The following CELSR1 variants were observed in gnomAD, a reference collection of about 807,000 sequenced individuals.
CELSR1 encodes adhesion G protein-coupled receptor C1.
Under a neutral mutation model 249.1 loss-of-function variants are expected in CELSR1, and 110 were observed. That is an observed-to-expected ratio of 0.44 (90% CI 0.38 to 0.52). The LOEUF (loss-of-function observed/expected upper bound fraction) is 0.52, where lower values mean the gene tolerates loss of function less well. Ranked by LOEUF, CELSR1 falls within the 20% of genes least tolerant of loss-of-function variation. The pLI, the probability that CELSR1 is intolerant of heterozygous loss-of-function variation, is 0.00. For synonymous variants in CELSR1, 2,113 were observed against 1,900.0 expected (o/e 1.11, Z -2.92); for missense variants, 4,109 against 4,296.4 (o/e 0.96, Z 1.22).
intron 25 of CELSR1, among the ~76,000 whole-genome samples, chr22:46,371,128 C>T (rs2078846853): frequency 6.6e-6 from 1 of 152,204 alleles, no homozygotes; most frequent in South Asian, 2.1e-4. Context: ...GCCACCCCGC[C>T]CAACCTGCCC....
intron 1 of CELSR1, among the ~76,000 whole-genome samples, chr22:46,496,067 G>C (rs1203997817): frequency 6.6e-6 from 1 of 151,034 alleles, no homozygotes; most frequent in Non-Finnish European, 1.5e-5. Flanking sequence ...GGTGGTGCAA[G>C]CTTGTAATCC....
intron 5 of CELSR1, among the ~76,000 whole-genome samples, chr22:46,422,431 A>C (rs947095401): frequency 1.3e-5 from 2 of 151,782 alleles, no homozygotes; most frequent in Non-Finnish European, 2.9e-5. Context: ...TTTAAACAGA[A>C]TATTTAAAAG....
intron 4 of CELSR1, among the ~76,000 whole-genome samples, chr22:46,435,219 T>TG (rs2079644103): frequency 7.0e-6 from 1 of 142,780 alleles, no homozygotes; most frequent in African/African-American, 2.6e-5. Context: ...CTCAAAGTGC[T>TG]AGGATTACAG....
chr22:46,388,069 C>T (rs113298949), intron 18 of CELSR1, among the ~76,000 whole-genome samples: 2,440 of 152,292 alleles, frequency 0.016, 50 homozygotes, highest in African/African-American at 0.055. Context: ...GAAACCAGGG[C>T]TGAGCACGGT....
rs1182819573 is a variant in CELSR1, at chr22:46,534,656, G to A, written c.2515C>T (p.Pro839Ser). Residue 839 changes from proline (P) to serine (S), a missense_variant, in exon 1 of 35, where the codon CCC (proline) becomes TCC (serine). Transcript: ENST00000674500. This position sits in a 1 kb window ranked among gnomAD's most constrained non-coding sequence, Gnocchi z 9.7. Reference sequence around the variant, plus strand: ...ATGGTGTACATGGTGCCACTGTCGGGGTCAATGCGGAACTGCGGCACGGGG... The same window carrying A: ...ATGGTGTACATGGTGCCACTGTCGGAGTCAATGCGGAACTGCGGCACGGGG... ...QDPVPQFRID[P>S]DSGTMYTMME... 2 of 1,613,734 alleles carry A rather than the reference G, an allele frequency of 1.2e-6. No individual in the cohort carries two copies. The highest frequency in any genetic ancestry group is 2.2e-5 in the South Asian group (2 of 91,084).
rs772780951 is a variant in CELSR1 at position 46,533,958 on chromosome 22, C to T, written c.3213G>A (p.Val1071=). The T allele has an allele frequency of 2.5e-6, 4 of 1,613,424 alleles. No homozygotes were observed. The highest frequency in any genetic ancestry group is 2.5e-6 in the Non-Finnish European group (3 of 1,180,032). Reference sequence around the variant, plus strand: ...GAGCCGACGTGGCCTGCACCACCAGCACATACTCCCGCCGGACCTCAAAGT... The same window carrying T: ...GAGCCGACGTGGCCTGCACCACCAGTACATACTCCCGCCGGACCTCAAAGT... The part of the protein sequence containing the change: ...ELDFEVRREY[V]LVVQATSAPL... Residue 1071 remains valine, a synonymous_variant, in exon 1 of 35, where the codon GTG becomes GTA. Transcript: ENST00000674500.
intron 1 of CELSR1, among the ~76,000 whole-genome samples, chr22:46,492,325 G>A (rs750344263): frequency 3.3e-5 from 5 of 152,114 alleles, no homozygotes; most frequent in Non-Finnish European, 5.9e-5. Flanking sequence ...TCTCAGTTAC[G>A]TGTTTCTTAT....
chr22:46,464,299 G>C lies in CELSR1; in HGVS notation c.3591C>G (p.Ile1197Met), dbSNP rs760399743. ...TGTTGGTCAGCATGTCGTCCGTGAT[G>C]ATGGTGACACGCAGGGTGCAGAAGG... ...VTAFCTLRVT[I>M]ITDDMLTNSI... Residue 1197 changes from isoleucine (I) to methionine (M), a missense_variant, in exon 2 of 35, where the codon ATC becomes ATG. Coordinates refer to ENST00000674500, the MANE Select transcript of CELSR1 (RefSeq NM_001378328.1). This position sits in a 1 kb window ranked among gnomAD's most constrained non-coding sequence, Gnocchi z 8.5. The C allele has an allele frequency of 6.2e-7, 1 of 1,613,422 alleles. No homozygotes were observed. Among genetic ancestry groups the C allele is most frequent in the South Asian group, 1.1e-5 (1 of 91,082 alleles).
rs988817999 is a variant in CELSR1, at chr22:46,395,361, G to A, written c.5844-1099C>T. ...GGGCCCCCACGGCCTCCACACAGCCGAATTCTGTTCCTGGCTTGCGGGCCC... is the reference window on the plus strand; with the variant it reads ...GGGCCCCCACGGCCTCCACACAGCCAAATTCTGTTCCTGGCTTGCGGGCCC... On this transcript the variant is annotated intron_variant, in intron 13 of 34. Transcript: ENST00000674500. The surrounding 1 kb of genome is among the most constrained non-coding windows in gnomAD (Gnocchi z 5.5). Among the ~76,000 whole-genome samples, 3 of 152,068 alleles carry A rather than the reference G, an allele frequency of 2.0e-5. No individual in the cohort carries two copies. Among genetic ancestry groups the A allele is most frequent in the Non-Finnish European group, 2.9e-5 (2 of 68,008 alleles).
rs373758360 is a variant in CELSR1 at position 46,429,340 on chromosome 22, AAAAC to A, written c.4611+4049_4611+4052del. On this transcript the variant is annotated intron_variant, in intron 5 of 34. Coordinates refer to ENST00000674500, the MANE Select transcript of CELSR1 (RefSeq NM_001378328.1). This position sits in a 1 kb window ranked among gnomAD's most constrained non-coding sequence, Gnocchi z 4.1. Reference sequence around the variant, plus strand: ...CACCTTCAAACCAGCCTTGAGGGAAAAAACAAACAAACAAACAAACAAAAAACCA... The same window carrying A: ...CACCTTCAAACCAGCCTTGAGGGAAAAAACAAACAAACAAACAAAAAACCA... Among the ~76,000 whole-genome samples, 8 of 152,224 alleles carry A rather than the reference AAAAC, an allele frequency of 5.3e-5. No homozygotes were observed. The highest frequency in any genetic ancestry group is 2.1e-4 in the South Asian group (1 of 4,830).
chr22:46,478,949 C>G (rs923220933), intron 1 of CELSR1, among the ~76,000 whole-genome samples: 4 of 151,978 alleles, frequency 2.6e-5, no homozygotes, highest in African/African-American at 9.7e-5. Context: ...CTGCTCACCG[C>G]AGGCCCAGGG....
intron 9 of CELSR1, among the ~76,000 whole-genome samples, chr22:46,404,926 G>C (rs1318183094): frequency 6.6e-6 from 1 of 152,096 alleles, no homozygotes; most frequent in Non-Finnish European, 1.5e-5. Context: ...CTGAGTTCGA[G>C]TGATTCTCCT....
rs993403147 is a variant in CELSR1 at position 46,436,712 on chromosome 22, G to A, written c.4407-423C>T. 6.6e-6 allele frequency among the ~76,000 whole-genome samples: 1 copy of A among 152,084 alleles called. No homozygotes were observed. Among genetic ancestry groups the A allele is most frequent in the African/African-American group, 2.4e-5 (1 of 41,368 alleles). On this transcript the variant is annotated intron_variant, in intron 3 of 34. Coordinates refer to ENST00000674500, the MANE Select transcript of CELSR1 (RefSeq NM_001378328.1). This position sits in a 1 kb window ranked among gnomAD's most constrained non-coding sequence, Gnocchi z 5.9. ...CCCAGGCAGGGATGATGCTATGGAA[G>A]GACCATTCTTATGGCCTCTCCCCCC...
intron 27 of CELSR1, among the ~76,000 whole-genome samples, chr22:46,368,552 G>A (rs1237792727): frequency 6.6e-6 from 1 of 151,384 alleles, no homozygotes; most frequent in Non-Finnish European, 1.5e-5. Context: ...TTATCCCTTC[G>A]CCCATCCCTG....
Position 46,428,823 on chromosome 22 carries a change from C to T in CELSR1, c.4611+4570G>A, listed in dbSNP as rs891046726. 6.6e-6 allele frequency among the ~76,000 whole-genome samples: 1 copy of T among 152,174 alleles called. No individual in the cohort carries two copies. The highest frequency in any genetic ancestry group is 1.5e-5 in the Non-Finnish European group (1 of 68,024). On this transcript the variant is annotated intron_variant, in intron 5 of 34. Transcript: ENST00000674500. This position sits in a 1 kb window ranked among gnomAD's most constrained non-coding sequence, Gnocchi z 5.7. ...TCACTCACGGGTCCCCAGCGGGCCA[C>T]ACTGCCTGGTGTCCATGTCAGGCAC...
rs1438746894 is a variant in CELSR1, at chr22:46,363,022, G to A, written c.*201C>T. The A allele has an allele frequency of 6.2e-6, 7 of 1,123,778 alleles. No homozygotes were observed. Among genetic ancestry groups the A allele is most frequent in the African/African-American group, 1.6e-5 (1 of 64,252 alleles). The allele number at this position is 1,123,778 out of a possible 1,614,324, so 69.6% of individuals were successfully genotyped here. A position where few individuals can be genotyped will look rare whatever the true frequency, so the allele number is the denominator to read the frequency against. On this transcript the variant is annotated 3_prime_UTR_variant, in exon 35 of 35. Coordinates refer to ENST00000674500, the MANE Select transcript of CELSR1 (RefSeq NM_001378328.1). This position sits in a 1 kb window ranked among gnomAD's most constrained non-coding sequence, Gnocchi z 4.3. ...CAGGTCTGACAGGCCCTGAGCTCCT[G>A]GGAGAACCAAGACCTTTGTGTCTGG...
chr22:46,365,682 C>T lies in CELSR1; in HGVS notation c.8308G>A (p.Gly2770Arg), dbSNP rs1386649428. The T allele has an allele frequency of 1.9e-6, 3 of 1,574,396 alleles. No individual in the cohort carries two copies. The highest frequency in any genetic ancestry group is 2.6e-6 in the Non-Finnish European group (3 of 1,160,006). Residue 2770 changes from glycine to arginine, a missense_variant, in exon 31 of 35, where the codon GGG becomes AGG. Physicochemically the swap from Gly to Arg is moderately radical, Grantham distance 125. Around this residue, in one of 7 missense-constraint regions of CELSR1, gnomAD observed 1,805 missense variants for 1,831.6 expected, o/e 0.99. Transcript: ENST00000674500. ...GAGGACACGCCGAGCTTCTGGATCCCTTCATCCCTAGAGAGGCCAGGGAGG... is the reference window on the plus strand; with the variant it reads ...GAGGACACGCCGAGCTTCTGGATCCTTTCATCCCTAGAGAGGCCAGGGAGG... ...ASLDSIVRDE[G>R]IQKLGVSSGL...
At chr22:46,369,649 C>A in intron 26 of CELSR1, 43 bp downstream of exon 26, 1 of 1,569,476 alleles carries the variant, frequency 6.4e-7, no homozygotes, top group Non-Finnish European at 8.8e-7. Context: ...CCAGCTCATG[C>A]ATGTTTGGGG....
chr22:46,469,864 C>T (rs1356536470), intron 1 of CELSR1, among the ~76,000 whole-genome samples: 1 of 137,984 alleles, frequency 7.2e-6, no homozygotes, highest in Non-Finnish European at 1.6e-5. Flanking sequence ...CCCCATGAGT[C>T]CCTGAGGACC....
Sources: gnomAD v4.1 joint callset for allele counts (sites outside exome capture counted in the v4.1 genomes callset) on GRCh38, gnomAD v4.1.1 for gene constraint, gnomAD v4.1.1 regional missense constraint, Gnocchi (gnomAD v3.1) non-coding constraint, MANE v1.5 for transcripts, NCBI Gene and HGNC (gene_info 2026-07-23, HGNC 2026-07-21) for gene names.